Variants in ZIM2 observed in about 807,000 individuals in gnomAD.
ZIM2 encodes the protein zinc finger protein 656.
Under a neutral mutation model 38.6 loss-of-function variants are expected in ZIM2, and 14 were observed. The observed-to-expected ratio is 0.36, with a 90% confidence interval of 0.24 to 0.57. ZIM2 has a LOEUF of 0.57. Among genes scored for constraint, ZIM2 ranks in the 20% least tolerant of loss-of-function variants. The pLI is 0.81. For missense variants in ZIM2, 680 were observed against 695.1 expected (o/e 0.98, Z 0.24); for synonymous variants, 247 against 245.8 (o/e 1.00, Z -0.04).
At position 56,817,751 on chromosome 19, in the gene ZIM2, C is replaced by T. The variant is rs2060114104; in HGVS notation, c.485G>A (p.Ser162Asn). 6.2e-7 allele frequency: 1 copy of T among 1,613,904 alleles called. No homozygotes were observed. The highest frequency in any genetic ancestry group is 8.5e-7 in the Non-Finnish European group (1 of 1,179,892). ...RSKRSAYPST[S>N]RGFLAQDSVP... ...GGGATGTGCCTCCTGCTTACCTCGA[C>T]TGGTGCTTGGGTAGGCACTTCTCTT... The change falls in exon 9 of 13, where the codon AGT (serine) becomes AAT (asparagine). Residue 162 changes from serine to asparagine, a missense_variant. Transcript: ENST00000629319.
intron 9 of ZIM2, chr19:56,811,696 A>C: frequency 1.0e-6 from 1 of 985,452 alleles, no homozygotes. Context: ...CCATGTAGTA[A>C]ACCTCACTGC....
At chr19:56,780,084 C>T (rs564637874) in intron 11 of ZIM2, among the ~76,000 whole-genome samples, 1 of 152,274 alleles carries the variant, frequency 6.6e-6, no homozygotes, top group Admixed American at 6.5e-5. Flanking sequence ...AACCAAAATG[C>T]CTATACCAGG....
chr19:56,775,358 T>G lies in ZIM2; in HGVS notation c.1007A>C (p.Asp336Ala). Residue 336 changes from aspartate to alanine, a missense_variant, in exon 13 of 13, where the codon GAT becomes GCT. Coordinates refer to ENST00000629319, the MANE Select transcript of ZIM2 (RefSeq NM_001387356.1). ...TCCAGGAGCAGTGCCTTCCTGGGGA[T>G]CCTTTCCTAGAGGATCCTTTGATTG... is the stretch of plus-strand genomic sequence containing the variant. ...SKQSKDPLGK[D>A]PQEGTAPGIC... The G allele has an allele frequency of 6.2e-7, 1 of 1,614,174 alleles. No individual in the cohort carries two copies. The highest frequency in any genetic ancestry group is 8.5e-7 in the Non-Finnish European group (1 of 1,180,030).
intron 10 of ZIM2, among the ~76,000 whole-genome samples, chr19:56,788,154 A>C (rs1001827812): frequency 6.7e-6 from 1 of 148,898 alleles, no homozygotes; most frequent in African/African-American, 2.5e-5. Flanking sequence ...TTAACTTTTG[A>C]ATTTGTTTGC....
Position 56,824,151 on chromosome 19 carries a change from C to A in ZIM2, c.16+111G>T. The A allele has an allele frequency of 2.7e-6, 4 of 1,495,604 alleles. No individual in the cohort carries two copies. The Admixed American group carries it at 8.8e-5, about 33-fold the overall frequency. 92.6% of individuals were successfully genotyped at this position (1,495,604 alleles called of 1,614,324 possible). A position where few individuals can be genotyped will look rare whatever the true frequency, so the allele number is the denominator to read the frequency against. On this transcript the variant is annotated intron_variant, in intron 4 of 12. Transcript: ENST00000629319. ...AGTACACAGGACATCCCCACCGCTG[C>A]CCAGGACAGAGAGTTATCCAGTCCA...
chr19:56,840,376 T>A (rs1407934573), intron 1 of ZIM2, among the ~76,000 whole-genome samples: 1 of 151,820 alleles, frequency 6.6e-6, no homozygotes, highest in Non-Finnish European at 1.5e-5. Flanking sequence ...GCACCAACCA[T>A]CCACAGCCTG....
rs2045950687 is a variant in ZIM2 at position 56,775,489 on chromosome 19, G to A, written c.876C>T (p.Asn292=). The change falls in exon 13 of 13, where the codon AAC becomes AAT. Residue 292 remains asparagine (N), a synonymous_variant. Coordinates refer to ENST00000629319, the MANE Select transcript of ZIM2 (RefSeq NM_001387356.1). The part of the protein sequence containing the change: ...HDDPLEPHQG[N]QEKLLTPITM... The stretch of plus-strand genomic sequence containing the variant: ...TTATAGGAGTCAAAAGTTTCTCTTG[G>A]TTGCCCTGGTGTGGTTCCAATGGAT... 2.5e-6 allele frequency: 4 copies of A among 1,613,628 alleles called. No homozygotes were observed. Among genetic ancestry groups the A allele is most frequent in the Non-Finnish European group, 3.4e-6 (4 of 1,179,916 alleles).
intron 2 of ZIM2, among the ~76,000 whole-genome samples, chr19:56,832,448 T>C (rs1310205903): frequency 3.3e-5 from 5 of 152,210 alleles, no homozygotes; most frequent in Non-Finnish European, 5.9e-5. Flanking sequence ...CTAGCCGTCA[T>C]ATGGCTCAAG....
chr19:56,779,603 A>G, intron 11 of ZIM2, 131 bp from the exon 12 acceptor site: 1 of 809,284 alleles, frequency 1.2e-6, no homozygotes, highest in East Asian at 2.7e-5. Flanking sequence ...GCCTACAGAG[A>G]TTTTACCCCC....
At chr19:56,817,418 G>A (rs780793599) in intron 9 of ZIM2, 1 of 1,614,044 alleles carries the variant, frequency 6.2e-7, no homozygotes, top group Non-Finnish European at 8.5e-7. Context: ...GACATTCTGG[G>A]GAATCTCTGT....
chr19:56,812,108 CA>C, intron 9 of ZIM2: 1 of 975,118 alleles, frequency 1.0e-6, no homozygotes, highest in Non-Finnish European at 1.2e-6. Context: ...TTACATTTTG[CA>C]AATCTTTTTT....
At position 56,806,085 on chromosome 19, in the gene ZIM2, TAATA is replaced by T. The variant is rs796856780; in HGVS notation, c.490+11657_490+11660del. 1.3e-4 allele frequency among the ~76,000 whole-genome samples: 20 copies of T among 152,318 alleles called. 1 individual carries two copies. Among genetic ancestry groups the T allele is most frequent in the African/African-American group, 4.1e-4 (17 of 41,576 alleles). On this transcript the variant is annotated intron_variant, in intron 9 of 12. Coordinates refer to ENST00000629319, the MANE Select transcript of ZIM2 (RefSeq NM_001387356.1). ...AAAAATAATGTATTAGGTATATATA[TAATA>T]GAGTGTGCAAATGACAAAACAAATA... is the stretch of plus-strand genomic sequence containing the variant.
chr19:56,815,801 G>A lies in ZIM2; in HGVS notation c.490+1945C>T. 8 of 1,613,438 alleles carry A rather than the reference G, an allele frequency of 5.0e-6. No individual in the cohort carries two copies. The highest frequency in any genetic ancestry group is 6.8e-6 in the Non-Finnish European group (8 of 1,179,558). ...CGATTCTTACTGCCCCCTTCACAAG[G>A]GTTCTCTCTGGCAGGAATCTTCTGT... is the stretch of plus-strand genomic sequence containing the variant. On this transcript the variant is annotated intron_variant, in intron 9 of 12. Transcript: ENST00000629319.
intron 5 of ZIM2, 37 bp downstream of exon 5, chr19:56,823,553 G>T: frequency 6.2e-7 from 1 of 1,611,890 alleles, no homozygotes; most frequent in Non-Finnish European, 8.5e-7. Context: ...ATCTGGCAGC[G>T]CCTGCCCATG....
chr19:56,794,325 T>A (rs964818798), intron 9 of ZIM2, among the ~76,000 whole-genome samples: 1 of 152,188 alleles, frequency 6.6e-6, no homozygotes, highest in Non-Finnish European at 1.5e-5. Flanking sequence ...ATCACAGAAA[T>A]AAAACATACC....
intron 9 of ZIM2, chr19:56,815,558 A>G (rs750331528): frequency 1.2e-6 from 2 of 1,613,916 alleles, no homozygotes; most frequent in African/African-American, 2.7e-5. Flanking sequence ...CGAGGGCGAA[A>G]TGTTTGTTCA....
At position 56,775,130 on chromosome 19, in the gene ZIM2, CT is replaced by C. The variant is rs780912786; in HGVS notation, c.1234del (p.Arg412GlyfsTer23). The C allele has an allele frequency of 7.4e-6, 12 of 1,614,020 alleles. No individual in the cohort carries two copies. Among genetic ancestry groups the C allele is most frequent in the Non-Finnish European group, 9.3e-6 (11 of 1,180,030 alleles). On this transcript the variant is annotated frameshift_variant, in exon 13 of 13. Coordinates refer to ENST00000629319, the MANE Select transcript of ZIM2 (RefSeq NM_001387356.1). LOFTEE classifies it low-confidence loss of function (END_TRUNC). ...LNRHQKTHSG[R>X]KTSGCNEGRK... ...ACCTTCATTGCAGCCAGAAGTCTTCCTACCAGAATGGGTCTTCTGATGTCTG... is the reference window on the plus strand; with the variant it reads ...ACCTTCATTGCAGCCAGAAGTCTTCCACCAGAATGGGTCTTCTGATGTCTG...
At chr19:56,810,714 C>G in intron 9 of ZIM2, 1 of 983,982 alleles carries the variant, frequency 1.0e-6, no homozygotes, top group Non-Finnish European at 1.2e-6. Context: ...TCATTTAAGA[C>G]TTTATGCACA....
At chr19:56,830,145 G>C (rs1176510341) in intron 2 of ZIM2, among the ~76,000 whole-genome samples, 1 of 152,126 alleles carries the variant, frequency 6.6e-6, no homozygotes, top group Non-Finnish European at 1.5e-5. Context: ...CTACCGCAAG[G>C]CTCCATGGGC....
Sources: allele counts gnomAD v4.1 joint callset (sites outside exome capture counted in the v4.1 genomes callset), GRCh38; gene constraint gnomAD v4.1.1; transcripts MANE v1.5; gene names NCBI Gene and HGNC (gene_info 2026-07-23, HGNC 2026-07-21).